Variants in OR4E2 observed in about 807,000 individuals in gnomAD.
OR4E2 encodes olfactory receptor 4E2.
A neutral mutation model predicts 11.0 loss-of-function variants in OR4E2; 9 were observed. The ratio of observed to expected loss-of-function variants is 0.82; its 90% CI spans 0.49 to 1.43. The LOEUF is 1.43. Among genes scored for constraint, OR4E2 ranks in the 40% most tolerant of loss-of-function variants. OR4E2 has a pLI of 0.00. For missense variants in OR4E2, 441 were observed against 382.0 expected, an observed-to-expected ratio of 1.15 and a Z score of -1.29; for synonymous variants, 159 against 147.3, an observed-to-expected ratio of 1.08 and a Z score of -0.57.
In OR4E2 at chr14:21,666,291, T is replaced by G. The variant is rs1880647534; in HGVS notation, c.*267T>G. ...TAAAGACAGCTTTTGATTTCATCAG[T>G]AAAAGAATACAATTTGGGGAACTCA... is the stretch of plus-strand genomic sequence containing the variant. On this transcript the variant is annotated 3_prime_UTR_variant, in exon 4 of 4. Coordinates refer to ENST00000641524, the MANE Select transcript of OR4E2 (RefSeq NM_001001912.3). 2 of 355,738 alleles carry G rather than the reference T, an allele frequency of 5.6e-6. No homozygotes were observed. Among genetic ancestry groups the G allele is most frequent in the Non-Finnish European group, 1.0e-5 (2 of 196,730 alleles). 22.0% of individuals were successfully genotyped at this position (355,738 alleles called of 1,614,324 possible). A position where few individuals can be genotyped will look rare whatever the true frequency, so the allele number is the denominator to read the frequency against.
chr14:21,657,824 A>G (rs1366290787), intron 2 of OR4E2, among the ~76,000 whole-genome samples: 2 of 152,026 alleles, frequency 1.3e-5, no homozygotes, highest in Non-Finnish European at 2.9e-5. Context: ...TCCCGACCTC[A>G]GGTGATCCAC....
intron 2 of OR4E2, among the ~76,000 whole-genome samples, chr14:21,659,954 G>A (rs953873664): frequency 8.6e-5 from 13 of 151,948 alleles, no homozygotes; most frequent in Middle Eastern, 3.2e-3. Context: ...TGGAATTCTC[G>A]GTGAGTTTTA....
chr14:21,657,778 C>G (rs1002635642), intron 2 of OR4E2, among the ~76,000 whole-genome samples: 1 of 151,860 alleles, frequency 6.6e-6, no homozygotes, highest in African/African-American at 2.4e-5. Flanking sequence ...TTAGTAGAAA[C>G]GGGGTTTCTC....
intron 3 of OR4E2, among the ~76,000 whole-genome samples, chr14:21,661,310 G>A (rs1325449186): frequency 4.6e-5 from 7 of 152,108 alleles, no homozygotes; most frequent in Non-Finnish European, 1.0e-4. Context: ...ATATTAATAT[G>A]TTGAAGCATA....
chr14:21,662,670 A>G (rs1393063360), intron 3 of OR4E2, among the ~76,000 whole-genome samples: 1 of 152,056 alleles, frequency 6.6e-6, no homozygotes, highest in Non-Finnish European at 1.5e-5. Context: ...TATGTTTAAT[A>G]TTTTTTCACG....
In OR4E2 at chr14:21,665,533, G is replaced by C; in HGVS notation, c.451G>C (p.Gly151Arg). ...ACAGCTTGTCTTTGCTCTCTGGTTG[G>C]GGGGTACTGTTCACTCACTAGGGCA... ...CIQLVFALWLGGTVHSLGQTF... is the reference protein window; with the variant it reads ...CIQLVFALWLRGTVHSLGQTF... The change falls in exon 4 of 4, where the codon GGG becomes CGG. Residue 151 changes from glycine (G) to arginine (R), a missense_variant. Gly to Arg is a moderately radical substitution (Grantham distance 125, BLOSUM62 -2). Transcript: ENST00000641524. The C allele has an allele frequency of 3.1e-6, 5 of 1,614,070 alleles. No individual in the cohort carries two copies. Among genetic ancestry groups the C allele is most frequent in the South Asian group, 1.1e-5 (1 of 91,068 alleles).
rs150914451 is a variant in OR4E2 at position 21,661,561 on chromosome 14, C to T, written c.-9+815C>T. 1.3e-3 allele frequency among the ~76,000 whole-genome samples: 198 copies of T among 152,332 alleles called. No individual in the cohort carries two copies. The East Asian group carries it at 0.017, about 13-fold the overall frequency. On this transcript the variant is annotated intron_variant, in intron 3 of 3. Coordinates refer to ENST00000641524, the MANE Select transcript of OR4E2 (RefSeq NM_001001912.3). ...GACTCTCCAAGGAGTATTAATAGTG[C>T]TGATGGGTCCAATTGTCAGAAATTC...
At chr14:21,655,074 G>C (rs1879868072) in intron 1 of OR4E2, among the ~76,000 whole-genome samples, 1 of 152,140 alleles carries the variant, frequency 6.6e-6, no homozygotes, top group African/African-American at 2.4e-5. Context: ...CTAGATCATA[G>C]TTTGACCAAA....
At position 21,665,370 on chromosome 14, in the gene OR4E2, C is replaced by T. The variant is rs376296410; in HGVS notation, c.288C>T (p.Asn96=). ...LLERKTISFD[N]CITQLFFLHL... ...AAAGAAAGACCATTTCCTTTGACAA[C>T]TGCATCACACAGCTCTTCTTCCTAC... is the stretch of plus-strand genomic sequence containing the variant. The change falls in exon 4 of 4, where the codon AAC becomes AAT. Residue 96 remains asparagine, a synonymous_variant. Transcript: ENST00000641524. The T allele has an allele frequency of 6.2e-7, 1 of 1,614,032 alleles. No individual in the cohort carries two copies. Among genetic ancestry groups the T allele is most frequent in the African/African-American group, 1.3e-5 (1 of 74,908 alleles).
intron 1 of OR4E2, among the ~76,000 whole-genome samples, chr14:21,654,627 C>A (rs1879841528): frequency 6.6e-6 from 1 of 151,988 alleles, no homozygotes; most frequent in Non-Finnish European, 1.5e-5. Flanking sequence ...GTTTTGCATC[C>A]TGTGAGTGCT....
intron 3 of OR4E2, among the ~76,000 whole-genome samples, chr14:21,663,124 C>A (rs1482924019): frequency 2.0e-5 from 3 of 152,138 alleles, no homozygotes; most frequent in Non-Finnish European, 4.4e-5. Context: ...TTTGCATACC[C>A]ATTGTGTACA....
Position 21,665,637 on chromosome 14 carries a change from C to G in OR4E2, c.555C>G (p.Ile185Met). 1.2e-6 allele frequency: 2 copies of G among 1,614,108 alleles called. No homozygotes were observed. Among genetic ancestry groups the G allele is most frequent in the Non-Finnish European group, 1.7e-6 (2 of 1,179,996 alleles). Reference protein sequence around the residue: ...DSYFCDVPLVIKLACTDTYLT... With the variant: ...DSYFCDVPLVMKLACTDTYLT... ...ACTTCTGTGATGTGCCTCTTGTTAT[C>G]AAGCTGGCCTGCACAGATACATACC... Residue 185 changes from isoleucine to methionine, a missense_variant, in exon 4 of 4, where the codon ATC becomes ATG. Ile to Met is a conservative substitution (Grantham distance 10). Coordinates refer to ENST00000641524, the MANE Select transcript of OR4E2 (RefSeq NM_001001912.3).
chr14:21,666,095 C>A lies in OR4E2; in HGVS notation c.*71C>A. ...AAGAGCAAAAGTAAAGAGTCAAAAT[C>A]AACTTATATAACTTGGTAAATTAGG... On this transcript the variant is annotated 3_prime_UTR_variant, in exon 4 of 4. Coordinates refer to ENST00000641524, the MANE Select transcript of OR4E2 (RefSeq NM_001001912.3). The A allele has an allele frequency of 9.0e-7, 1 of 1,117,300 alleles. No individual in the cohort carries two copies. The highest frequency in any genetic ancestry group is 1.3e-6 in the Non-Finnish European group (1 of 766,062). 69.2% of individuals were successfully genotyped at this position (1,117,300 alleles called of 1,614,324 possible).
In OR4E2 at chr14:21,665,112, T is replaced by C; in HGVS notation, c.30T>C (p.Thr10=). Residue 10 remains threonine, a synonymous_variant, in exon 4 of 4, where the codon ACT becomes ACC. Coordinates refer to ENST00000641524, the MANE Select transcript of OR4E2 (RefSeq NM_001001912.3). ...ACAGTCTAAACCAAACAAGAGTGAC[T>C]GAATTTGTCTTCTTGGGACTCACTG... is the stretch of plus-strand genomic sequence containing the variant. MDSLNQTRV[T]EFVFLGLTDN... is the part of the protein sequence containing the mutation. 6.2e-7 allele frequency: 1 copy of C among 1,612,340 alleles called. No individual in the cohort carries two copies. The highest frequency in any genetic ancestry group is 8.5e-7 in the Non-Finnish European group (1 of 1,179,040).
At position 21,656,123 on chromosome 14, in the gene OR4E2, C is replaced by A. The variant is rs1333400922; in HGVS notation, c.-190-379C>A. Among the ~76,000 whole-genome samples, 6 of 151,296 alleles carry A rather than the reference C, an allele frequency of 4.0e-5. No individual in the cohort carries two copies. In the Admixed American group the frequency reaches 4.0e-4, roughly 10 times the overall value. On this transcript the variant is annotated intron_variant, in intron 1 of 3. Transcript: ENST00000641524. Reference sequence around the variant, plus strand: ...CGAAGCCCCTGTCTCTACAAAAAAACCAACCAACCAACCAAAAACAAAAAA... The same window carrying A: ...CGAAGCCCCTGTCTCTACAAAAAAAACAACCAACCAACCAAAAACAAAAAA...
chr14:21,654,482 T>C (rs1261910464), intron 1 of OR4E2, among the ~76,000 whole-genome samples: 1 of 151,212 alleles, frequency 6.6e-6, no homozygotes, highest in Non-Finnish European at 1.5e-5. Flanking sequence ...CACACACGCA[T>C]GCACACACAC....
At chr14:21,661,678 C>T (rs72686093) in intron 3 of OR4E2, among the ~76,000 whole-genome samples, 2,362 of 152,278 alleles carry the variant, frequency 0.016, 22 homozygotes, top group Middle Eastern at 0.02. Flanking sequence ...GAACCACTGC[C>T]TTAGGTTATA....
chr14:21,666,206 T>C lies in OR4E2; in HGVS notation c.*182T>C, dbSNP rs1880641904. On this transcript the variant is annotated 3_prime_UTR_variant, in exon 4 of 4. Transcript: ENST00000641524. Reference sequence around the variant, plus strand: ...TTAAAGATAAGAACTTATTAACTATTATTTAAATAAAGCAAAAGATCATAG... The same window carrying C: ...TTAAAGATAAGAACTTATTAACTATCATTTAAATAAAGCAAAAGATCATAG... 1 of 478,262 alleles carries C rather than the reference T, an allele frequency of 2.1e-6. No homozygotes were observed. The highest frequency in any genetic ancestry group is 3.7e-6 in the Non-Finnish European group (1 of 273,026). 29.6% of individuals were successfully genotyped at this position (478,262 alleles called of 1,614,324 possible). A position where few individuals can be genotyped will look rare whatever the true frequency, so the allele number is the denominator to read the frequency against.
At chr14:21,663,791 G>A (rs1018965679) in intron 3 of OR4E2, among the ~76,000 whole-genome samples, 2 of 152,156 alleles carry the variant, frequency 1.3e-5, no homozygotes, top group Non-Finnish European at 1.5e-5. Flanking sequence ...ACCTCCACAG[G>A]TGTAGAGTGG....
Sources: gnomAD v4.1 joint callset for allele counts (sites outside exome capture counted in the v4.1 genomes callset) on GRCh38, gnomAD v4.1.1 for gene constraint, MANE v1.5 for transcripts, NCBI Gene and HGNC (gene_info 2026-07-23, HGNC 2026-07-21) for gene names.